OR2Z1: variants seen among roughly 807,000 people sequenced by gnomAD.
The protein encoded by OR2Z1 is olfactory receptor family 2 subfamily Z member 1, also known as olfactory receptor 2Z1.
For synonymous variants in OR2Z1, 188 were observed against 160.6 expected, an observed-to-expected ratio of 1.17 and a Z score of -1.29; for missense variants, 449 against 401.8, an observed-to-expected ratio of 1.12 and a Z score of -1.00.
chr19:8,726,919 T>C (rs2043329976), intron 2 of OR2Z1, among the ~76,000 whole-genome samples: 1 of 152,118 alleles, frequency 6.6e-6, no homozygotes, highest in Non-Finnish European at 1.5e-5. Flanking sequence ...TTTAACCCCA[T>C]GCACTCTTTT....
intron 2 of OR2Z1, among the ~76,000 whole-genome samples, chr19:8,724,628 C>T (rs937293884): frequency 6.6e-6 from 1 of 152,144 alleles, no homozygotes; most frequent in African/African-American, 2.4e-5. Flanking sequence ...CTTCTCTTCC[C>T]AAAAACTTAG....
Position 8,731,925 on chromosome 19 carries a change from G to A in OR2Z1, c.897G>A (p.Met299Ile). The change falls in exon 3 of 3, where the codon ATG becomes ATA. Residue 299 changes from methionine (M) to isoleucine (I), a missense_variant. By Grantham distance (10) the Met-to-Ile change is conservative. Coordinates refer to ENST00000641125, the MANE Select transcript of OR2Z1 (RefSeq NM_001004699.3). Reference sequence around the variant, plus strand: ...GTCTGAGGAATCCGGAGGTGTGGATGGCTTTGGTCAAAGTGCTTAGCAGAG... The same window carrying A: ...GTCTGAGGAATCCGGAGGTGTGGATAGCTTTGGTCAAAGTGCTTAGCAGAG... ...IYSLRNPEVWMALVKVLSRAG... is the reference protein window; with the variant it reads ...IYSLRNPEVWIALVKVLSRAG... 6.2e-7 allele frequency: 1 copy of A among 1,614,164 alleles called. No individual in the cohort carries two copies. The highest frequency in any genetic ancestry group is 8.5e-7 in the Non-Finnish European group (1 of 1,180,026).
intron 2 of OR2Z1, among the ~76,000 whole-genome samples, chr19:8,724,699 A>C (rs559234069): frequency 4.5e-4 from 68 of 152,236 alleles, no homozygotes; most frequent in Middle Eastern, 6.8e-3. Context: ...TGAAAGACAG[A>C]TGCTCGACCA....
In OR2Z1 at chr19:8,731,494, G is replaced by C. The variant is rs374807835; in HGVS notation, c.466G>C (p.Ala156Pro). 6 of 1,613,872 alleles carry C rather than the reference G, an allele frequency of 3.7e-6. No homozygotes were observed. The highest frequency in any genetic ancestry group is 2.7e-5 in the African/African-American group (2 of 74,842). The change falls in exon 3 of 3, where the codon GCC becomes CCC. Residue 156 changes from alanine to proline, a missense_variant. Transcript: ENST00000641125. ...CTCCTGGGTGGTAGGTGTGCTCAACGCCTCCATCCAGACCTCCATCACCCT... is the reference window on the plus strand; with the variant it reads ...CTCCTGGGTGGTAGGTGTGCTCAACCCCTCCATCCAGACCTCCATCACCCT... ...GSSWVVGVLN[A>P]SIQTSITLHF...
At chr19:8,728,177 C>T (rs1555756354) in intron 2 of OR2Z1, among the ~76,000 whole-genome samples, 1 of 152,214 alleles carries the variant, frequency 6.6e-6, no homozygotes, top group African/African-American at 2.4e-5. Context: ...CTGCATTTTC[C>T]ATTGCTGGAG....
chr19:8,730,964 C>A lies in OR2Z1; in HGVS notation c.-65C>A, dbSNP rs1336284634. 5.3e-6 allele frequency: 7 copies of A among 1,314,894 alleles called. No individual in the cohort carries two copies. The highest frequency in any genetic ancestry group is 7.5e-6 in the Non-Finnish European group (7 of 932,224). The allele number at this position is 1,314,894 out of a possible 1,614,324, so 81.5% of individuals were successfully genotyped here. ...CATGTGAGATGAAAATTATTTGCCA[C>A]CCCATGCAGGCTTCTTGCCATAGTT... On this transcript the variant is annotated 5_prime_UTR_variant, in exon 3 of 3. Coordinates refer to ENST00000641125, the MANE Select transcript of OR2Z1 (RefSeq NM_001004699.3).
intron 2 of OR2Z1, chr19:8,728,965 G>T (rs970258151): frequency 1.5e-6 from 1 of 686,136 alleles, no homozygotes; most frequent in East Asian, 3.0e-5. Context: ...TCAGTGGTCA[G>T]CGGCAACGTG....
chr19:8,728,769 G>A (rs553899957), intron 2 of OR2Z1: 43 of 610,442 alleles, frequency 7.0e-5, no homozygotes, highest in African/African-American at 5.5e-4. Context: ...AACATCCAAA[G>A]CATCATAATC....
At chr19:8,727,354 G>C (rs2043331674) in intron 2 of OR2Z1, among the ~76,000 whole-genome samples, 1 of 152,066 alleles carries the variant, frequency 6.6e-6, no homozygotes, top group South Asian at 2.1e-4. Flanking sequence ...AACTCTTCCT[G>C]GCTGTCTGGC....
At chr19:8,724,381 A>T (rs1166962030) in intron 2 of OR2Z1, among the ~76,000 whole-genome samples, 1 of 151,958 alleles carries the variant, frequency 6.6e-6, no homozygotes, top group African/African-American at 2.4e-5. Flanking sequence ...GACTATAAGC[A>T]TGTGCCACCA....
intron 2 of OR2Z1, among the ~76,000 whole-genome samples, chr19:8,723,851 T>A (rs1232165892): frequency 5.3e-5 from 8 of 152,034 alleles, no homozygotes; most frequent in African/African-American, 1.9e-4. Context: ...CCTAGAACAG[T>A]TCTAGGGTGG....
At chr19:8,727,918 G>A (rs943710136) in intron 2 of OR2Z1, among the ~76,000 whole-genome samples, 4 of 152,184 alleles carry the variant, frequency 2.6e-5, no homozygotes, top group African/African-American at 9.6e-5. Context: ...ATTGGGTTGA[G>A]CAGGGATGAG....
chr19:8,731,856 C>T lies in OR2Z1; in HGVS notation c.828C>T (p.Leu276=), dbSNP rs1355185055. 3.1e-6 allele frequency: 5 copies of T among 1,614,098 alleles called. No homozygotes were observed. The African/African-American group carries it at 6.7e-5, about 22-fold the overall frequency. The change falls in exon 3 of 3, where the codon CTC becomes CTT. Residue 276 remains leucine (L), a synonymous_variant. Transcript: ENST00000641125. ...HSPQQDNVVS[L]FYSLVTPTLN... is the part of the protein sequence containing the mutation. ...CACAGCAGGATAACGTGGTTTCCCT[C>T]TTCTATAGCCTTGTCACCCCTACAC...
intron 2 of OR2Z1, among the ~76,000 whole-genome samples, chr19:8,728,283 C>T (rs1268189285): frequency 6.6e-6 from 1 of 152,212 alleles, no homozygotes; most frequent in African/African-American, 2.4e-5. Flanking sequence ...AAGTGTGCAG[C>T]TCTTCCTGGT....
At chr19:8,730,778 C>G in intron 2 of OR2Z1, 82 bp from the exon 3 acceptor site, 1 of 550,206 alleles carries the variant, frequency 1.8e-6, no homozygotes, top group Non-Finnish European at 3.2e-6. Flanking sequence ...TGTGGCCAAG[C>G]GTCTCATTCA....
chr19:8,730,950 A>C lies in OR2Z1; in HGVS notation c.-79A>C. The stretch of plus-strand genomic sequence containing the variant: ...TCAATGATGATTGGCATGTGAGATG[A>C]AAATTATTTGCCACCCCATGCAGGC... On this transcript the variant is annotated 5_prime_UTR_variant, in exon 3 of 3. Transcript: ENST00000641125. 3 of 1,135,290 alleles carry C rather than the reference A, an allele frequency of 2.6e-6. No homozygotes were observed. The highest frequency in any genetic ancestry group is 3.9e-6 in the Non-Finnish European group (3 of 778,730). The allele number at this position is 1,135,290 out of a possible 1,614,324, so 70.3% of individuals were successfully genotyped here.
chr19:8,731,015 G>A lies in OR2Z1; in HGVS notation c.-14G>A, dbSNP rs1555756662. On this transcript the variant is annotated 5_prime_UTR_variant, in exon 3 of 3. Coordinates refer to ENST00000641125, the MANE Select transcript of OR2Z1 (RefSeq NM_001004699.3). ...CAGCTGTTCTTCCTGCAGCTAAAGT[G>A]CATTGTGTAAAACATGGGGGATGTG... 6.2e-7 allele frequency: 1 copy of A among 1,608,058 alleles called. No homozygotes were observed. Among genetic ancestry groups the A allele is most frequent in the Non-Finnish European group, 8.5e-7 (1 of 1,175,162 alleles).
In OR2Z1 at chr19:8,731,907, G is replaced by A. The variant is rs1555756877; in HGVS notation, c.879G>A (p.Arg293=). The A allele has an allele frequency of 6.2e-7, 1 of 1,614,182 alleles. No homozygotes were observed. The change falls in exon 3 of 3, where the codon AGG becomes AGA. Residue 293 remains arginine (R), a synonymous_variant. Coordinates refer to ENST00000641125, the MANE Select transcript of OR2Z1 (RefSeq NM_001004699.3). Reference sequence around the variant, plus strand: ...TCAACCCCCTTATCTACAGTCTGAGGAATCCGGAGGTGTGGATGGCTTTGG... The same window carrying A: ...TCAACCCCCTTATCTACAGTCTGAGAAATCCGGAGGTGTGGATGGCTTTGG... The part of the protein sequence containing the change: ...PTLNPLIYSL[R]NPEVWMALVK...
chr19:8,726,830 A>G (rs955536439), intron 2 of OR2Z1, among the ~76,000 whole-genome samples: 11 of 152,232 alleles, frequency 7.2e-5, no homozygotes, highest in Non-Finnish European at 1.6e-4. Flanking sequence ...CCTCATGACA[A>G]AGAGCTCCAG....
Sources: allele counts gnomAD v4.1 joint callset (sites outside exome capture counted in the v4.1 genomes callset), GRCh38; gene constraint gnomAD v4.1.1; transcripts MANE v1.5; gene names NCBI Gene and HGNC (gene_info 2026-07-23, HGNC 2026-07-21).